CAMTA1: variants seen among roughly 807,000 people sequenced by gnomAD.
CAMTA1 encodes the protein calmodulin-binding transcription activator 1.
A neutral mutation model predicts 170.9 loss-of-function variants in CAMTA1; 27 were observed. The observed-to-expected ratio is 0.16, with a 90% CI of 0.12 to 0.22. The LOEUF (loss-of-function observed/expected upper bound fraction) is 0.22, where lower values mean the gene tolerates loss of function less well. Among genes scored for constraint, CAMTA1 ranks in the 10% least tolerant of loss-of-function variants. CAMTA1 has a pLI of 1.00. For missense variants in CAMTA1, 1,619 were observed against 2,217.2 expected (o/e 0.73, Z 5.42); for synonymous variants, 833 against 891.5 (o/e 0.93, Z 1.17).
chr1:7,079,402 A>C (rs1639721654), intron 3 of CAMTA1, among the ~76,000 whole-genome samples: 1 of 152,222 alleles, frequency 6.6e-6, no homozygotes, highest in South Asian at 2.1e-4. Flanking sequence ...CACCCCAAGC[A>C]AGGTAAATAC....
intron 5 of CAMTA1, among the ~76,000 whole-genome samples, chr1:7,288,636 G>A (rs1282099107): frequency 1.3e-5 from 2 of 152,198 alleles, no homozygotes; most frequent in Non-Finnish European, 2.9e-5. Context: ...AAGAGTTGGT[G>A]AATTGTGCTA....
At position 7,300,007 on chromosome 1, in the gene CAMTA1, C is replaced by T. The variant is rs1032515819; in HGVS notation, c.438+50381C>T. The stretch of plus-strand genomic sequence containing the variant: ...TCCTTTAAGATCCAGAACAACTGCT[C>T]CCTGTACCTTAAGTAATTATCATTT... On this transcript the variant is annotated intron_variant, in intron 5 of 22. Transcript: ENST00000303635. This position sits in a 1 kb window ranked among gnomAD's most constrained non-coding sequence, Gnocchi z 4.1. Among the ~76,000 whole-genome samples, 6 of 152,152 alleles carry T rather than the reference C, an allele frequency of 3.9e-5. No individual in the cohort carries two copies. Among genetic ancestry groups the T allele is most frequent in the African/African-American group, 7.2e-5 (3 of 41,434 alleles).
At chr1:6,858,719 C>T (rs1426182048) in intron 3 of CAMTA1, among the ~76,000 whole-genome samples, 1 of 152,134 alleles carries the variant, frequency 6.6e-6, no homozygotes, top group African/African-American at 2.4e-5. Context: ...CTAATTTATG[C>T]ATGCGTGAAG....
chr1:6,939,624 G>A (rs553656495), intron 3 of CAMTA1, among the ~76,000 whole-genome samples: 3 of 152,296 alleles, frequency 2.0e-5, no homozygotes, highest in African/African-American at 4.8e-5. Context: ...CCCCTGTGGC[G>A]AGAGTTCTTC....
chr1:6,854,528 A>G (rs1453371099), intron 3 of CAMTA1, among the ~76,000 whole-genome samples: 1 of 152,236 alleles, frequency 6.6e-6, no homozygotes, highest in Admixed American at 6.5e-5. Context: ...GATACATTCA[A>G]AATGAAATAT....
intron 4 of CAMTA1, among the ~76,000 whole-genome samples, chr1:7,204,809 C>CTTT (rs61639082): frequency 8.3e-6 from 1 of 120,974 alleles, no homozygotes; most frequent in Non-Finnish European, 1.7e-5. Flanking sequence ...GTCAGAGTTT[C>CTTT]TTTTTTTTTT....
intron 5 of CAMTA1, among the ~76,000 whole-genome samples, chr1:7,301,798 A>G (rs545268829): frequency 2.6e-5 from 4 of 152,218 alleles, no homozygotes; most frequent in Non-Finnish European, 5.9e-5. Context: ...GCCTCCTGCT[A>G]CCCAGCAAGT....
intron 3 of CAMTA1, among the ~76,000 whole-genome samples, chr1:7,037,614 C>T (rs565858297): frequency 3.9e-5 from 6 of 152,206 alleles, no homozygotes; most frequent in East Asian, 3.9e-4. Flanking sequence ...CCGAGGCAGG[C>T]GGATCATGAG....
intron 22 of CAMTA1, among the ~76,000 whole-genome samples, chr1:7,762,624 T>G (rs796613259): frequency 4.6e-5 from 7 of 152,342 alleles, no homozygotes; most frequent in African/African-American, 1.7e-4. Flanking sequence ...CTAGGGCAGA[T>G]AGTAAGCCTC....
chr1:6,857,755 C>G (rs1662995181), intron 3 of CAMTA1, among the ~76,000 whole-genome samples: 1 of 152,162 alleles, frequency 6.6e-6, no homozygotes, highest in African/African-American at 2.4e-5. Flanking sequence ...AAAAAACATT[C>G]CTGTCTTCTG....
intron 11 of CAMTA1, among the ~76,000 whole-genome samples, chr1:7,712,783 A>G (rs1404605780): frequency 6.6e-6 from 1 of 152,214 alleles, no homozygotes; most frequent in Non-Finnish European, 1.5e-5. Context: ...TAATGGACTC[A>G]GTTCCACATA....
chr1:7,055,045 C>T (rs981202702), intron 3 of CAMTA1, among the ~76,000 whole-genome samples: 34 of 152,158 alleles, frequency 2.2e-4, no homozygotes, highest in African/African-American at 7.7e-4. Context: ...GAAACTCACT[C>T]GCTGTCACAA....
chr1:7,488,620 A>C (rs535734032), intron 6 of CAMTA1, among the ~76,000 whole-genome samples: 16 of 152,330 alleles, frequency 1.1e-4, no homozygotes, highest in Non-Finnish European at 8.8e-5. Flanking sequence ...TAACACATAC[A>C]CATACAATAT....
intron 3 of CAMTA1, among the ~76,000 whole-genome samples, chr1:6,995,290 C>CTTTTCTTTTTTTTTTT: frequency 1.2e-5 from 1 of 82,280 alleles, no homozygotes; most frequent in Non-Finnish European, 2.5e-5. Context: ...TCTTTTTTTT[C>CTTTTCTTTTTTTTTTT]TTTTCTTTTT....
intron 5 of CAMTA1, among the ~76,000 whole-genome samples, chr1:7,341,407 G>A (rs1172144930): frequency 6.6e-6 from 1 of 152,230 alleles, no homozygotes; most frequent in Non-Finnish European, 1.5e-5. Flanking sequence ...AGGAGGTGGG[G>A]CACAGCTGTC....
chr1:7,267,072 C>A (rs1208613955), intron 5 of CAMTA1, among the ~76,000 whole-genome samples: 2 of 152,058 alleles, frequency 1.3e-5, no homozygotes, highest in Non-Finnish European at 2.9e-5. Flanking sequence ...TCCCTTAGAC[C>A]CTCTGGCTGT....
intron 4 of CAMTA1, among the ~76,000 whole-genome samples, chr1:7,098,740 C>T (rs954595415): frequency 1.3e-5 from 2 of 152,126 alleles, no homozygotes; most frequent in African/African-American, 2.4e-5. Context: ...TTGGCCGTGG[C>T]GGGGGCACTG....
intron 11 of CAMTA1, among the ~76,000 whole-genome samples, chr1:7,678,476 G>A (rs2096147066): frequency 6.6e-6 from 1 of 152,220 alleles, no homozygotes; most frequent in African/African-American, 2.4e-5. Context: ...TGGCCATGGG[G>A]GTCGGTGAGT....
intron 6 of CAMTA1, among the ~76,000 whole-genome samples, chr1:7,484,483 A>T (rs1400246206): frequency 6.6e-6 from 1 of 152,202 alleles, no homozygotes; most frequent in African/African-American, 2.4e-5. Flanking sequence ...GGTCGGACAT[A>T]GACCAGCATT....
Sources: allele counts gnomAD v4.1 joint callset (sites outside exome capture counted in the v4.1 genomes callset), GRCh38; gene constraint gnomAD v4.1.1; non-coding constraint Gnocchi (gnomAD v3.1); transcripts MANE v1.5; gene names NCBI Gene and HGNC (gene_info 2026-07-23, HGNC 2026-07-21).